ANK2: variants seen among roughly 807,000 people sequenced by gnomAD.
ANK2 encodes ankyrin-2.
In ANK2, 83 loss-of-function variants were observed where a neutral mutation model predicts 360.5. That is an observed-to-expected ratio of 0.23 (90% CI 0.19 to 0.28). ANK2 has a LOEUF of 0.28. ANK2 is among the 10% of genes least tolerant of loss of function. ANK2 has a pLI of 1.00. For missense variants in ANK2, 4,201 were observed against 4,795.7 expected, an observed-to-expected ratio of 0.88 and a Z score of 3.66; for synonymous variants, 1,740 against 1,759.5, an observed-to-expected ratio of 0.99 and a Z score of 0.28.
chr4:113,146,289 A>G (rs1053786058), intron 1 of ANK2, among the ~76,000 whole-genome samples: 1 of 152,186 alleles, frequency 6.6e-6, no homozygotes, highest in East Asian at 1.9e-4. Context: ...CCAAAGGTGG[A>G]CATACGTATT....
At chr4:113,025,610 T>C (rs146884906) in intron 2 of ANK2, among the ~76,000 whole-genome samples, 1 of 152,344 alleles carries the variant, frequency 6.6e-6, no homozygotes, top group African/African-American at 2.4e-5. Flanking sequence ...TCCTTCAAAA[T>C]GAATGCAACT....
chr4:113,099,370 C>T (rs750665742), intron 1 of ANK2, among the ~76,000 whole-genome samples: 4 of 151,634 alleles, frequency 2.6e-5, no homozygotes, highest in Admixed American at 6.6e-5. Flanking sequence ...CATCAATGAG[C>T]AATTGGAATT....
intron 1 of ANK2, among the ~76,000 whole-genome samples, chr4:113,101,909 C>T (rs909473544): frequency 6.6e-6 from 1 of 151,886 alleles, no homozygotes; most frequent in Non-Finnish European, 1.5e-5. Context: ...ACATGCAAGC[C>T]CTGAAGTGGG....
At chr4:113,052,688 A>G (rs1020576771) in intron 1 of ANK2, among the ~76,000 whole-genome samples, 16 of 152,312 alleles carry the variant, frequency 1.1e-4, no homozygotes, top group Admixed American at 1.0e-3. Context: ...GGTGCTCTCC[A>G]CTCAGAAACC....
intron 2 of ANK2, among the ~76,000 whole-genome samples, chr4:112,938,738 GAAAT>G (rs753028176): frequency 6.6e-6 from 1 of 152,286 alleles, no homozygotes; most frequent in Non-Finnish European, 1.5e-5. Flanking sequence ...GAAGAATGCT[GAAAT>G]AAATAGAGAA....
chr4:113,229,863 T>C (rs2099270962), intron 4 of ANK2, among the ~76,000 whole-genome samples: 1 of 152,204 alleles, frequency 6.6e-6, no homozygotes, highest in African/African-American at 2.4e-5. Context: ...TTTCTCTTGA[T>C]CTATCTACAA....
At chr4:113,288,519 A>C (rs182543224) in intron 20 of ANK2, 33 bp downstream of exon 20, 43 of 1,578,118 alleles carry the variant, frequency 2.7e-5, no homozygotes, top group Non-Finnish European at 3.7e-5. Flanking sequence ...CAATTCCTAT[A>C]AGCAAAAAGG....
chr4:113,258,026 C>T lies in ANK2; in HGVS notation c.1189-24C>T, dbSNP rs753354694. 6 of 1,596,784 alleles carry T rather than the reference C, an allele frequency of 3.8e-6. No homozygotes were observed. The Admixed American group carries it at 1.0e-4, about 27-fold the overall frequency. ...GAGAATTGTTTCTGCATGTTTTCAA[C>T]TAACTTGATTGTCTTTTGCACAGAA... is the stretch of plus-strand genomic sequence containing the variant. On this transcript the variant is annotated intron_variant, in intron 11 of 45. Transcript: ENST00000357077.
intron 1 of ANK2, among the ~76,000 whole-genome samples, chr4:112,884,290 A>G (rs2077636788): frequency 6.6e-6 from 1 of 152,174 alleles, no homozygotes; most frequent in Admixed American, 6.5e-5. Flanking sequence ...TATTTAGAGT[A>G]GGCGACTTTT....
the ANK2 span, among the ~76,000 whole-genome samples, chr4:112,749,769 CAG>C: frequency 6.6e-6 from 1 of 151,916 alleles, no homozygotes; most frequent in African/African-American, 2.4e-5. Context: ...TGTTTTGAGA[CAG>C]AGTCTTGCTC....
At chr4:112,773,948 C>T in the ANK2 span, among the ~76,000 whole-genome samples, 2 of 152,044 alleles carry the variant, frequency 1.3e-5, no homozygotes, top group Non-Finnish European at 2.9e-5. Flanking sequence ...CTACAGGTGC[C>T]AGCCACCATG....
chr4:112,890,735 T>A (rs1312863327), intron 1 of ANK2, among the ~76,000 whole-genome samples: 2 of 151,872 alleles, frequency 1.3e-5, no homozygotes, highest in Non-Finnish European at 2.9e-5. Flanking sequence ...GCCAGGCTAA[T>A]TTTGTATTTT....
In ANK2 at chr4:113,359,104, G is replaced by C; in HGVS notation, c.10486G>C (p.Glu3496Gln). The change falls in exon 38 of 46, where the codon GAG (glutamate) becomes CAG (glutamine). Residue 3496 changes from glutamate (E) to glutamine (Q), a missense_variant. Transcript: ENST00000357077. ...ATTAGTGGATAGGCTGACACAGTCA[G>C]AGAGGGAGCAGGAAATAGTTTCAGA... ...SKLVDRLTQSEREQEIVSDDE... is the reference protein window; with the variant it reads ...SKLVDRLTQSQREQEIVSDDE... 6.2e-7 allele frequency: 1 copy of C among 1,614,066 alleles called. No individual in the cohort carries two copies. The highest frequency in any genetic ancestry group is 8.5e-7 in the Non-Finnish European group (1 of 1,179,948).
In ANK2 at chr4:113,355,717, A is replaced by G; in HGVS notation, c.7099A>G (p.Ser2367Gly). 1 of 1,614,144 alleles carries G rather than the reference A, an allele frequency of 6.2e-7. No homozygotes were observed. The highest frequency in any genetic ancestry group is 1.6e-4 in the Middle Eastern group (1 of 6,062). The change falls in exon 38 of 46, where the codon AGT becomes GGT. Residue 2367 changes from serine (S) to glycine (G), a missense_variant. By Grantham distance (56) the Ser-to-Gly change is moderately conservative. Around this residue, in one of 4 missense-constraint regions of ANK2, gnomAD observed 2,642 missense variants for 2,714.5 expected, o/e 0.97. Coordinates refer to ENST00000357077, the MANE Select transcript of ANK2 (RefSeq NM_001148.6). ...TTCAGCCCACAAGACACAAACTGAT[A>G]GTGAGGTTCAAGAATCCACAGCCAC... ...GSSAHKTQTD[S>G]EVQESTATSD...
At chr4:112,827,487 C>A in intron 1 of ANK2, 2 of 1,335,374 alleles carry the variant, frequency 1.5e-6, no homozygotes, top group Non-Finnish European at 1.1e-6. Flanking sequence ...GCCTGACAGT[C>A]ACCAAACAGT....
At chr4:113,335,718 T>C (rs932070748) in intron 29 of ANK2, 128 bp from the exon 30 acceptor site, 5 of 976,362 alleles carry the variant, frequency 5.1e-6, no homozygotes, top group Non-Finnish European at 8.0e-6. Context: ...AAAATTGTCC[T>C]GTTGTTTCAA....
intron 1 of ANK2, among the ~76,000 whole-genome samples, chr4:113,151,882 T>C (rs1583158071): frequency 7.4e-6 from 1 of 134,360 alleles, no homozygotes; most frequent in Non-Finnish European, 1.6e-5. Context: ...CTGGGAAACA[T>C]AGTGAAACCC....
intron 1 of ANK2, among the ~76,000 whole-genome samples, chr4:113,168,376 C>T (rs1324655754): frequency 6.6e-6 from 1 of 152,162 alleles, no homozygotes; most frequent in Non-Finnish European, 1.5e-5. Context: ...TTTACTCTTT[C>T]TTCTTCCCCT....
At chr4:112,986,013 A>AATATATAAAATT (rs534830843) in intron 2 of ANK2, among the ~76,000 whole-genome samples, 5,107 of 147,592 alleles carry the variant, frequency 0.035, 209 homozygotes, top group African/African-American at 0.097. Context: ...ATAAATATAA[A>AATATATAAAATT]ATATATAAAA....
Sources: allele counts gnomAD v4.1 joint callset (sites outside exome capture counted in the v4.1 genomes callset), GRCh38; gene constraint gnomAD v4.1.1; regional missense constraint gnomAD v4.1.1; transcripts MANE v1.5; gene names NCBI Gene and HGNC (gene_info 2026-07-23, HGNC 2026-07-21).